The following TRAF3IP1 variants were observed in gnomAD, a reference collection of about 807,000 sequenced individuals.
The protein encoded by TRAF3IP1 is intraflagellar transport 54, also known as TRAF3-interacting protein 1.
A neutral mutation model predicts 89.9 loss-of-function variants in TRAF3IP1; 53 were observed. The observed-to-expected ratio is 0.59, with a 90% CI of 0.47 to 0.74. TRAF3IP1 has a LOEUF of 0.74. TRAF3IP1 is among the 30% of genes least tolerant of loss of function. The pLI, the probability that TRAF3IP1 is intolerant of heterozygous loss-of-function variation, is 0.00. For missense variants in TRAF3IP1, 806 were observed against 866.1 expected (o/e 0.93, Z 0.87); for synonymous variants, 311 against 322.1 (o/e 0.97, Z 0.37).
At chr2:238,346,550 T>C (rs927155689) in intron 9 of TRAF3IP1, among the ~76,000 whole-genome samples, 2 of 152,328 alleles carry the variant, frequency 1.3e-5, no homozygotes, top group South Asian at 2.1e-4. Flanking sequence ...GTGGCTGTTA[T>C]GCTCACAGAA....
chr2:238,389,776 A>AATT (rs754368609), intron 15 of TRAF3IP1, among the ~76,000 whole-genome samples: 33 of 150,442 alleles, frequency 2.2e-4, no homozygotes, highest in Non-Finnish European at 4.4e-4. Flanking sequence ...TAATAATAAT[A>AATT]ATAGTAATAA....
At chr2:238,347,585 C>A in intron 10 of TRAF3IP1, 110 bp downstream of exon 10, 1 of 1,083,506 alleles carries the variant, frequency 9.2e-7, no homozygotes, top group Non-Finnish European at 1.4e-6. Context: ...GTGAAAGTAA[C>A]TTATTTTATG....
chr2:238,347,711 T>A (rs1698959213), intron 10 of TRAF3IP1, among the ~76,000 whole-genome samples: 1 of 152,190 alleles, frequency 6.6e-6, no homozygotes, highest in Non-Finnish European at 1.5e-5. Flanking sequence ...CACCGCAACC[T>A]CTGCCTCCCG....
intron 15 of TRAF3IP1, among the ~76,000 whole-genome samples, chr2:238,357,094 C>CT (rs577142513): frequency 2.6e-5 from 4 of 152,136 alleles, no homozygotes; most frequent in South Asian, 2.1e-4. Context: ...GTTTTTAAGT[C>CT]TTTTTTTTAA....
chr2:238,375,281 C>T (rs890498579), intron 15 of TRAF3IP1, among the ~76,000 whole-genome samples: 1 of 152,156 alleles, frequency 6.6e-6, no homozygotes, highest in Non-Finnish European at 1.5e-5. Flanking sequence ...CTATAAATTT[C>T]CCTCTACACA....
In TRAF3IP1 at chr2:238,379,989, G is replaced by A. The variant is rs1039593378; in HGVS notation, c.1690-17470G>A. On this transcript the variant is annotated intron_variant, in intron 15 of 16. Coordinates refer to ENST00000373327, the MANE Select transcript of TRAF3IP1 (RefSeq NM_015650.4). The surrounding 1 kb of genome is among the most constrained non-coding windows in gnomAD (Gnocchi z 4.0). Reference sequence around the variant, plus strand: ...ATTTTAAAGTCCATTTTAAAACTTAGATTCTTTTGCTGCTGCTGCCTATGA... The same window carrying A: ...ATTTTAAAGTCCATTTTAAAACTTAAATTCTTTTGCTGCTGCTGCCTATGA... Among the ~76,000 whole-genome samples the A allele has an allele frequency of 2.0e-5, 3 of 152,200 alleles. No homozygotes were observed. The highest frequency in any genetic ancestry group is 2.9e-5 in the Non-Finnish European group (2 of 68,040).
chr2:238,349,850 G>T (rs959792454), intron 12 of TRAF3IP1, among the ~76,000 whole-genome samples: 1 of 152,152 alleles, frequency 6.6e-6, no homozygotes, highest in East Asian at 1.9e-4. Flanking sequence ...CGGGCGGATG[G>T]CTTGAGGTCA....
At chr2:238,335,367 A>G (rs1698332731) in intron 7 of TRAF3IP1, among the ~76,000 whole-genome samples, 1 of 152,186 alleles carries the variant, frequency 6.6e-6, no homozygotes. Context: ...TTCCAGGATC[A>G]CTTATTCATT....
intron 15 of TRAF3IP1, among the ~76,000 whole-genome samples, chr2:238,387,564 G>A (rs1700823774): frequency 6.6e-6 from 1 of 152,128 alleles, no homozygotes; most frequent in African/African-American, 2.4e-5. Flanking sequence ...ACCCAGTAAT[G>A]CCACTTCCTG....
intron 15 of TRAF3IP1, among the ~76,000 whole-genome samples, chr2:238,383,443 G>A (rs1700630740): frequency 6.6e-6 from 1 of 152,190 alleles, no homozygotes; most frequent in Non-Finnish European, 1.5e-5. Flanking sequence ...GAGTCTGTCA[G>A]TCATCATCCA....
At position 238,343,140 on chromosome 2, in the gene TRAF3IP1, G is replaced by A. The variant is rs138505472; in HGVS notation, c.1160-1357G>A. 2.9e-3 allele frequency among the ~76,000 whole-genome samples: 439 copies of A among 151,528 alleles called. 2 individuals are homozygous for A. Among genetic ancestry groups the A allele is most frequent in the African/African-American group, 0.01 (415 of 41,338 alleles). ...TCTGGCTCTGTCACCAGGCTGGAGT[G>A]CAGTGGCACGATCTCGCTCACTGCA... On this transcript the variant is annotated intron_variant, in intron 8 of 16. Transcript: ENST00000373327.
chr2:238,331,943 G>A (rs1479483688), intron 5 of TRAF3IP1, among the ~76,000 whole-genome samples: 1 of 152,206 alleles, frequency 6.6e-6, no homozygotes, highest in African/African-American at 2.4e-5. Flanking sequence ...TACCTCATGG[G>A]CTTTTGCGAA....
rs1226892702 is a variant in TRAF3IP1 at position 238,345,829 on chromosome 2, A to C, written c.1261+1231A>C. On this transcript the variant is annotated intron_variant, in intron 9 of 16. Coordinates refer to ENST00000373327, the MANE Select transcript of TRAF3IP1 (RefSeq NM_015650.4). This position sits in a 1 kb window ranked among gnomAD's most constrained non-coding sequence, Gnocchi z 4.7. ...CTGGGTCACCTAGGACGAGATTGTG[A>C]GTGCAGGAGCTGGCAGAGCACTGGC... Among the ~76,000 whole-genome samples, 1 of 152,044 alleles carries C rather than the reference A, an allele frequency of 6.6e-6. No individual in the cohort carries two copies. The highest frequency in any genetic ancestry group is 1.9e-4 in the East Asian group (1 of 5,172).
chr2:238,393,481 TA>T (rs1701077902), intron 15 of TRAF3IP1, among the ~76,000 whole-genome samples: 1 of 152,184 alleles, frequency 6.6e-6, no homozygotes, highest in Non-Finnish European at 1.5e-5. Context: ...TTCTGTGACT[TA>T]CCTTTGCGGC....
intron 9 of TRAF3IP1, 27 bp downstream of exon 9, chr2:238,344,625 C>T (rs56304316): frequency 6.3e-7 from 1 of 1,597,312 alleles, no homozygotes; most frequent in African/African-American, 1.3e-5. Context: ...TTCGCCCTTT[C>T]CTGGCGAGAG....
At chr2:238,380,232 G>A (rs1700488686) in intron 15 of TRAF3IP1, among the ~76,000 whole-genome samples, 1 of 152,136 alleles carries the variant, frequency 6.6e-6, no homozygotes, top group Non-Finnish European at 1.5e-5. Flanking sequence ...AGGTGACTTC[G>A]TATGCAGCTG....
chr2:238,393,054 AT>A (rs1325540350), intron 15 of TRAF3IP1, among the ~76,000 whole-genome samples: 2 of 152,222 alleles, frequency 1.3e-5, no homozygotes, highest in Non-Finnish European at 2.9e-5. Context: ...ATTTGTTTGG[AT>A]AAGTGTCCAG....
intron 15 of TRAF3IP1, among the ~76,000 whole-genome samples, chr2:238,373,181 G>A (rs1700178707): frequency 6.6e-6 from 1 of 152,136 alleles, no homozygotes; most frequent in African/African-American, 2.4e-5. Context: ...CATTGCTTTT[G>A]GTGTTTTAGT....
rs777685370 is a variant in TRAF3IP1, at chr2:238,352,851, A to G, written c.1476A>G (p.Ser492=). The G allele has an allele frequency of 1.9e-6, 3 of 1,612,948 alleles. No homozygotes were observed. Among genetic ancestry groups the G allele is most frequent in the Non-Finnish European group, 2.5e-6 (3 of 1,179,654 alleles). Residue 492 remains serine, a synonymous_variant, in exon 13 of 17, where the codon TCA becomes TCG. Coordinates refer to ENST00000373327, the MANE Select transcript of TRAF3IP1 (RefSeq NM_015650.4). ...MDRSGSGKTV[S]NVITESHNSD... is the part of the protein sequence containing the mutation. ...GGTCAGGGAGTGGTAAAACCGTTTC[A>G]AATGTGATTACAGAGTCACACAATT... is the stretch of plus-strand genomic sequence containing the variant.
Sources: allele counts gnomAD v4.1 joint callset (sites outside exome capture counted in the v4.1 genomes callset), GRCh38; gene constraint gnomAD v4.1.1; non-coding constraint Gnocchi (gnomAD v3.1); transcripts MANE v1.5; gene names NCBI Gene and HGNC (gene_info 2026-07-23, HGNC 2026-07-21).